The following ASH1L variants were observed in gnomAD, a reference collection of about 807,000 sequenced individuals.
ASH1L encodes the protein ASH1 like histone lysine methyltransferase.
In ASH1L, 23 loss-of-function variants were observed where a neutral mutation model predicts 269.0. The ratio of observed to expected loss-of-function variants is 0.09; its 90% CI spans 0.06 to 0.12. The LOEUF is 0.12. Among genes scored for constraint, ASH1L ranks in the 10% least tolerant of loss-of-function variants. The probability of loss-of-function intolerance (pLI) is 1.00; values close to 1 mark genes in which losing one functional copy is unlikely to be tolerated. For synonymous variants in ASH1L, 1,187 were observed against 1,253.5 expected, an observed-to-expected ratio of 0.95 and a Z score of 1.12; for missense variants, 2,912 against 3,567.8, an observed-to-expected ratio of 0.82 and a Z score of 4.68.
At chr1:155,473,650 T>C (rs1665292417) in intron 3 of ASH1L, among the ~76,000 whole-genome samples, 1 of 151,802 alleles carries the variant, frequency 6.6e-6, no homozygotes, top group Non-Finnish European at 1.5e-5. Context: ...GCGTATGCCA[T>C]CATGCCCAGC....
intron 2 of ASH1L, among the ~76,000 whole-genome samples, chr1:155,489,752 T>C (rs909228228): frequency 1.4e-4 from 21 of 148,930 alleles, no homozygotes; most frequent in Admixed American, 6.0e-4. Context: ...AGGGAGACAC[T>C]GTCTCAAAAA....
chr1:155,466,952 C>T (rs956748642), intron 3 of ASH1L, among the ~76,000 whole-genome samples: 2 of 151,350 alleles, frequency 1.3e-5, no homozygotes, highest in African/African-American at 2.4e-5. Flanking sequence ...AGTGAATATA[C>T]TTTTTCCAAA....
intron 21 of ASH1L, among the ~76,000 whole-genome samples, chr1:155,344,916 A>G (rs1179949128): frequency 6.6e-6 from 1 of 152,134 alleles, no homozygotes; most frequent in Non-Finnish European, 1.5e-5. Context: ...GGATTTTGTA[A>G]GCTATTCCTT....
intron 2 of ASH1L, among the ~76,000 whole-genome samples, chr1:155,501,054 G>C (rs1667466620): frequency 6.6e-6 from 1 of 151,880 alleles, no homozygotes. Flanking sequence ...CAAAACAAAA[G>C]GCAATTGGAA....
chr1:155,469,179 T>A (rs897210061), intron 3 of ASH1L, among the ~76,000 whole-genome samples: 17 of 150,978 alleles, frequency 1.1e-4, no homozygotes, highest in African/African-American at 3.7e-4. Context: ...CTCTTTTTTT[T>A]AATTAATTAA....
At chr1:155,475,996 A>G (rs1278671186) in intron 3 of ASH1L, among the ~76,000 whole-genome samples, 1 of 152,240 alleles carries the variant, frequency 6.6e-6, no homozygotes, top group Non-Finnish European at 1.5e-5. Context: ...CCCACAAAGT[A>G]GAATGCCTGG....
chr1:155,527,665 A>G (rs1424003615), intron 1 of ASH1L, among the ~76,000 whole-genome samples: 4 of 151,222 alleles, frequency 2.6e-5, no homozygotes, highest in African/African-American at 9.7e-5. Context: ...GACCCCAAGT[A>G]GCTATTCCAA....
At chr1:155,551,659 CAAAAAAA>C (rs936454643) in intron 1 of ASH1L, among the ~76,000 whole-genome samples, 3 of 49,224 alleles carry the variant, frequency 6.1e-5, no homozygotes, top group East Asian at 1.1e-3. Flanking sequence ...GACTCCGTCT[CAAAAAAA>C]AAAAAAAAAA....
intron 5 of ASH1L, among the ~76,000 whole-genome samples, chr1:155,424,995 G>A (rs941191183): frequency 6.6e-6 from 1 of 151,260 alleles, no homozygotes; most frequent in Non-Finnish European, 1.5e-5. Context: ...TTTTGAGACA[G>A]AGCCTTACTC....
intron 1 of ASH1L, among the ~76,000 whole-genome samples, chr1:155,541,483 G>A (rs1221305950): frequency 6.6e-6 from 1 of 151,824 alleles, no homozygotes; most frequent in Non-Finnish European, 1.5e-5. Context: ...TATTATATAA[G>A]TCACTAAAAT....
chr1:155,522,201 CT>C (rs1668936591), intron 1 of ASH1L, among the ~76,000 whole-genome samples: 1 of 152,194 alleles, frequency 6.6e-6, no homozygotes, highest in South Asian at 2.1e-4. Context: ...GATTATCAGG[CT>C]TTTTGAGGTT....
At chr1:155,386,809 T>G (rs1333962700) in intron 7 of ASH1L, among the ~76,000 whole-genome samples, 1 of 152,230 alleles carries the variant, frequency 6.6e-6, no homozygotes, top group Non-Finnish European at 1.5e-5. Context: ...ATAGGTTGTT[T>G]ACTCTGTTCA....
intron 2 of ASH1L, among the ~76,000 whole-genome samples, chr1:155,515,262 T>G (rs953956632): frequency 6.6e-6 from 1 of 152,172 alleles, no homozygotes; most frequent in Non-Finnish European, 1.5e-5. Flanking sequence ...CGAATTGGAC[T>G]ACTAAGTTTT....
rs1214738617 is a variant in ASH1L at position 155,479,571 on chromosome 1, GAAC to G, written c.3296_3298del (p.Ser1099_Ser1100delinsThr). The G allele has an allele frequency of 1.9e-6, 3 of 1,614,066 alleles. No homozygotes were observed. The highest frequency in any genetic ancestry group is 2.5e-6 in the Non-Finnish European group (3 of 1,180,040). ...GCAAATAGGTGATGGAAGAATCTCA[GAAC>G]TACTAGCAGATGAAGGCAGTAATGG... On this transcript the variant is annotated inframe_deletion, in exon 3 of 28. Coordinates refer to ENST00000392403, the MANE Select transcript of ASH1L (RefSeq NM_018489.3).
chr1:155,489,399 G>A (rs1401185798), intron 2 of ASH1L, among the ~76,000 whole-genome samples: 6 of 151,436 alleles, frequency 4.0e-5, no homozygotes, highest in Non-Finnish European at 5.9e-5. Context: ...ACTAGAACTC[G>A]GGAGGCAGAG....
chr1:155,350,791 T>C (rs1653828559), intron 17 of ASH1L, among the ~76,000 whole-genome samples: 2 of 151,328 alleles, frequency 1.3e-5, no homozygotes, highest in South Asian at 4.2e-4. Context: ...CGTGGTGGCA[T>C]GCACCTGTAG....
chr1:155,451,074 G>C (rs1315965834), intron 4 of ASH1L, among the ~76,000 whole-genome samples: 1 of 151,724 alleles, frequency 6.6e-6, no homozygotes, highest in Non-Finnish European at 1.5e-5. Flanking sequence ...GCACATGCCT[G>C]TAATCCCAGC....
intron 5 of ASH1L, among the ~76,000 whole-genome samples, chr1:155,427,984 T>C (rs772380323): frequency 2.6e-5 from 4 of 152,154 alleles, no homozygotes; most frequent in African/African-American, 4.8e-5. Context: ...GTAACCAGTA[T>C]ACTCCCCATG....
intron 7 of ASH1L, among the ~76,000 whole-genome samples, chr1:155,385,841 G>A (rs1048400358): frequency 2.0e-5 from 3 of 152,164 alleles, no homozygotes; most frequent in African/African-American, 7.2e-5. Flanking sequence ...TGAAACCTGA[G>A]TGTTGGGGGA....
Sources: allele counts gnomAD v4.1 joint callset (sites outside exome capture counted in the v4.1 genomes callset), GRCh38; gene constraint gnomAD v4.1.1; transcripts MANE v1.5; gene names NCBI Gene and HGNC (gene_info 2026-07-23, HGNC 2026-07-21).